PLCXD3: variants seen among roughly 807,000 people sequenced by gnomAD.
The protein encoded by PLCXD3 is PI-PLC X domain-containing protein 3.
A neutral mutation model predicts 25.5 loss-of-function variants in PLCXD3; 19 were observed. That is an observed-to-expected ratio of 0.75 (90% CI 0.52 to 1.09). The LOEUF (loss-of-function observed/expected upper bound fraction) is 1.09, where lower values mean the gene tolerates loss of function less well. PLCXD3 is among the 50% of genes least tolerant of loss of function. The pLI, the probability that PLCXD3 is intolerant of heterozygous loss-of-function variation, is 0.00. For synonymous variants in PLCXD3, 174 were observed against 137.6 expected, an observed-to-expected ratio of 1.26 and a Z score of -1.85; for missense variants, 411 against 388.1, an observed-to-expected ratio of 1.06 and a Z score of -0.50.
At chr5:41,434,810 G>A (rs1374040892) in intron 1 of PLCXD3, among the ~76,000 whole-genome samples, 1 of 152,130 alleles carries the variant, frequency 6.6e-6, no homozygotes, top group Non-Finnish European at 1.5e-5. Flanking sequence ...AGGGGTGGGA[G>A]GGATTGTTTT....
chr5:41,393,649 G>A (rs988795168), intron 1 of PLCXD3, among the ~76,000 whole-genome samples: 1 of 152,118 alleles, frequency 6.6e-6, no homozygotes, highest in Non-Finnish European at 1.5e-5. Context: ...GCTGGGCACG[G>A]TGGCTCATGC....
At chr5:41,439,212 TAGA>T (rs1394962740) in intron 1 of PLCXD3, among the ~76,000 whole-genome samples, 6 of 152,162 alleles carry the variant, frequency 3.9e-5, no homozygotes, top group Non-Finnish European at 8.8e-5. Context: ...CATAAAAAAA[TAGA>T]AGGTTTCTAA....
intron 1 of PLCXD3, among the ~76,000 whole-genome samples, chr5:41,457,929 C>T (rs980987839): frequency 6.6e-5 from 10 of 151,850 alleles, no homozygotes; most frequent in African/African-American, 2.4e-4. Context: ...CACAGAAATA[C>T]AGGGCTGCGT....
chr5:41,507,772 G>C (rs183865605), intron 1 of PLCXD3, among the ~76,000 whole-genome samples: 2 of 152,292 alleles, frequency 1.3e-5, no homozygotes, highest in East Asian at 1.9e-4. Flanking sequence ...CACCAGGAGT[G>C]GTTTTAAATG....
intron 2 of PLCXD3, among the ~76,000 whole-genome samples, chr5:41,317,894 T>C (rs150187086): frequency 3.3e-5 from 5 of 152,080 alleles, no homozygotes; most frequent in African/African-American, 1.2e-4. Flanking sequence ...AAGACAAATC[T>C]AAGAGTTATT....
intron 1 of PLCXD3, among the ~76,000 whole-genome samples, chr5:41,466,348 T>C (rs1748017776): frequency 6.6e-6 from 1 of 152,108 alleles, no homozygotes; most frequent in Admixed American, 6.6e-5. Flanking sequence ...ACTATAAAAA[T>C]GTGAGTATTA....
chr5:41,485,904 G>C (rs996439669), intron 1 of PLCXD3, among the ~76,000 whole-genome samples: 1 of 152,056 alleles, frequency 6.6e-6, no homozygotes, highest in Non-Finnish European at 1.5e-5. Flanking sequence ...TTTTTAGTAT[G>C]AGTCTTGTTG....
At chr5:41,339,243 G>T (rs561846193) in intron 2 of PLCXD3, among the ~76,000 whole-genome samples, 4 of 152,250 alleles carry the variant, frequency 2.6e-5, no homozygotes, top group African/African-American at 9.6e-5. Context: ...AGAACTGCAA[G>T]AAAAGTCCTC....
chr5:41,401,092 G>A (rs1746172689), intron 1 of PLCXD3, among the ~76,000 whole-genome samples: 1 of 151,896 alleles, frequency 6.6e-6, no homozygotes, highest in African/African-American at 2.4e-5. Context: ...TTAAAACTTG[G>A]TTAGCTTCTA....
rs1339737502 is a variant in PLCXD3 at position 41,382,260 on chromosome 5, C to T, written c.378G>A (p.Glu126=). The T allele has an allele frequency of 5.6e-6, 9 of 1,613,730 alleles. No homozygotes were observed. The Admixed American group carries it at 1.3e-4, about 24-fold the overall frequency. The change falls in exon 2 of 3, where the codon GAG becomes GAA. Residue 126 remains glutamate (E), a synonymous_variant. Transcript: ENST00000377801. ...GATCTGTGAGGAATGCATTGATCTC[C>T]TCAAGGCCTTCATTGACTTTGGCAC... ...LFSAKVNEGL[E]EINAFLTDHH... is the part of the protein sequence containing the mutation.
intron 2 of PLCXD3, among the ~76,000 whole-genome samples, chr5:41,327,891 G>A (rs186786119): frequency 3.9e-5 from 6 of 151,968 alleles, no homozygotes; most frequent in South Asian, 4.2e-4. Flanking sequence ...CTGTAACCTC[G>A]AACTCCCGGA....
At chr5:41,467,656 C>A (rs1748048482) in intron 1 of PLCXD3, among the ~76,000 whole-genome samples, 1 of 152,088 alleles carries the variant, frequency 6.6e-6, no homozygotes, top group South Asian at 2.1e-4. Context: ...TGAATATTTT[C>A]TCCTATGTTT....
chr5:41,478,663 T>C (rs114065218), intron 1 of PLCXD3, among the ~76,000 whole-genome samples: 1,823 of 152,316 alleles, frequency 0.012, 42 homozygotes, highest in African/African-American at 0.041. Context: ...ACTCTTCAGC[T>C]AATGGAAAAC....
At chr5:41,450,708 T>C (rs1747609119) in intron 1 of PLCXD3, among the ~76,000 whole-genome samples, 1 of 152,094 alleles carries the variant, frequency 6.6e-6, no homozygotes, top group Non-Finnish European at 1.5e-5. Flanking sequence ...ATTTTCTAAA[T>C]GCAGGTCTCC....
intron 1 of PLCXD3, among the ~76,000 whole-genome samples, chr5:41,498,662 G>A (rs1356583875): frequency 1.3e-5 from 2 of 151,722 alleles, no homozygotes; most frequent in East Asian, 3.9e-4. Flanking sequence ...TGTGAGATCA[G>A]CATTACACTG....
chr5:41,344,453 A>G (rs928471909), intron 2 of PLCXD3, among the ~76,000 whole-genome samples: 1 of 152,170 alleles, frequency 6.6e-6, no homozygotes, highest in African/African-American at 2.4e-5. Flanking sequence ...AAATATTTGA[A>G]TCTAGAATGA....
rs139643014 is a variant in PLCXD3 at position 41,484,043 on chromosome 5, C to G, written c.103+26381G>C. On this transcript the variant is annotated intron_variant, in intron 1 of 2. Coordinates refer to ENST00000377801, the MANE Select transcript of PLCXD3 (RefSeq NM_001005473.3). ...CTTCTAATATGTAAGAAAATGGAAG[C>G]AAAAAGGCATTAAGTGACTTGCTCC... Among the ~76,000 whole-genome samples the G allele has an allele frequency of 6.4e-4, 97 of 152,034 alleles. 1 individual carries two copies. The highest frequency in any genetic ancestry group is 2.2e-3 in the African/African-American group (92 of 41,516).
chr5:41,335,020 G>C (rs1743940330), intron 2 of PLCXD3, among the ~76,000 whole-genome samples: 1 of 152,192 alleles, frequency 6.6e-6, no homozygotes, highest in African/African-American at 2.4e-5. Context: ...CCAGGAAACA[G>C]ACAATGGGTT....
intron 2 of PLCXD3, among the ~76,000 whole-genome samples, chr5:41,366,097 C>T (rs976591057): frequency 6.6e-6 from 1 of 152,082 alleles, no homozygotes; most frequent in African/African-American, 2.4e-5. Flanking sequence ...CCCCACTCTC[C>T]CAGCCCCACG....
Sources: allele counts gnomAD v4.1 joint callset (sites outside exome capture counted in the v4.1 genomes callset), GRCh38; gene constraint gnomAD v4.1.1; transcripts MANE v1.5; gene names NCBI Gene and HGNC (gene_info 2026-07-23, HGNC 2026-07-21).